Variants in VPS8 observed in about 807,000 individuals in gnomAD.
The protein encoded by VPS8 is VPS8 subunit of CORVET complex.
A neutral mutation model predicts 216.4 loss-of-function variants in VPS8; 129 were observed. The ratio of observed to expected loss-of-function variants is 0.60; its 90% CI spans 0.52 to 0.69. The LOEUF is 0.69. VPS8 is among the 30% of genes least tolerant of loss of function. The pLI, the probability that VPS8 is intolerant of heterozygous loss-of-function variation, is 0.00. For synonymous variants in VPS8, 571 were observed against 565.4 expected, an observed-to-expected ratio of 1.01 and a Z score of -0.14; for missense variants, 1,531 against 1,683.5, an observed-to-expected ratio of 0.91 and a Z score of 1.59.
chr3:184,884,260 C>T (rs1215354542), intron 21 of VPS8, among the ~76,000 whole-genome samples: 1 of 151,818 alleles, frequency 6.6e-6, no homozygotes, highest in African/African-American at 2.4e-5. Context: ...GTGTGGTGTT[C>T]CGCGCCCTGT....
intron 1 of VPS8, among the ~76,000 whole-genome samples, chr3:184,823,056 A>T (rs556433613): frequency 6.6e-6 from 1 of 152,236 alleles, no homozygotes; most frequent in South Asian, 2.1e-4. Context: ...TCCATGATTT[A>T]TACAAGGTAA....
chr3:184,966,395 A>C (rs931481687), intron 38 of VPS8, among the ~76,000 whole-genome samples: 7 of 152,198 alleles, frequency 4.6e-5, no homozygotes, highest in Non-Finnish European at 8.8e-5. Context: ...TATATCACCC[A>C]ATATGAATTG....
intron 14 of VPS8, among the ~76,000 whole-genome samples, chr3:184,856,254 C>G (rs1473214769): frequency 6.6e-6 from 1 of 152,134 alleles, no homozygotes; most frequent in Non-Finnish European, 1.5e-5. Context: ...GTTTGAAAAG[C>G]AAAATCAGTG....
intron 16 of VPS8, among the ~76,000 whole-genome samples, chr3:184,864,785 C>G (rs1229200349): frequency 5.3e-5 from 8 of 152,140 alleles, no homozygotes; most frequent in Admixed American, 3.3e-4. Flanking sequence ...CAGAAACCAA[C>G]AAGGTAAAAT....
intron 46 of VPS8, among the ~76,000 whole-genome samples, chr3:185,041,626 A>G (rs1711642323): frequency 6.6e-6 from 1 of 152,162 alleles, no homozygotes; most frequent in South Asian, 2.1e-4. Context: ...TCTCTTCAGT[A>G]TGTGTGACAG....
chr3:184,832,706 G>C lies in VPS8; in HGVS notation c.240G>C (p.Glu80Asp), dbSNP rs775809563. 1 of 1,601,782 alleles carries C rather than the reference G, an allele frequency of 6.2e-7. No individual in the cohort carries two copies. Among genetic ancestry groups the C allele is most frequent in the South Asian group, 1.1e-5 (1 of 89,802 alleles). ...SILNETDDED[E>D]SFILEDPTLL... Reference sequence around the variant, plus strand: ...CAATTTAGACTGATGATGAAGATGAGTCTTTTATTCTTGAGGATCCTACAT... The same window carrying C: ...CAATTTAGACTGATGATGAAGATGACTCTTTTATTCTTGAGGATCCTACAT... The change falls in exon 4 of 48, where the codon GAG (glutamate) becomes GAC (aspartate). Residue 80 changes from glutamate (E) to aspartate (D), a missense_variant. Transcript: ENST00000625842.
At chr3:185,035,055 T>C (rs146583305) in intron 46 of VPS8, among the ~76,000 whole-genome samples, 2 of 152,220 alleles carry the variant, frequency 1.3e-5, no homozygotes, top group African/African-American at 4.8e-5. Flanking sequence ...CCAGAATAGA[T>C]TGTAACTCTG....
intron 12 of VPS8, 26 bp from the exon 13 acceptor site, chr3:184,854,088 A>G: frequency 6.2e-7 from 1 of 1,613,532 alleles, no homozygotes; most frequent in Non-Finnish European, 8.5e-7. Context: ...CAAGGTCAAT[A>G]TTGAAAACAT....
At chr3:185,032,284 AAG>A (rs1472565970) in intron 46 of VPS8, among the ~76,000 whole-genome samples, 4 of 152,352 alleles carry the variant, frequency 2.6e-5, no homozygotes, top group Admixed American at 2.6e-4. Flanking sequence ...AATTTATGTA[AAG>A]AGAGACTTGA....
intron 31 of VPS8, among the ~76,000 whole-genome samples, chr3:184,928,079 G>A (rs1188491890): frequency 6.6e-6 from 1 of 152,192 alleles, no homozygotes; most frequent in Non-Finnish European, 1.5e-5. Context: ...GATACCAGCT[G>A]TGGATAGACA....
chr3:184,870,473 A>G (rs1728133047), intron 20 of VPS8, among the ~76,000 whole-genome samples: 1 of 152,228 alleles, frequency 6.6e-6, no homozygotes, highest in African/African-American at 2.4e-5. Flanking sequence ...CCTGAGCAGT[A>G]TAGATGCCAC....
intron 3 of VPS8, among the ~76,000 whole-genome samples, chr3:184,828,931 A>G (rs546319272): frequency 3.9e-5 from 6 of 152,312 alleles, no homozygotes; most frequent in African/African-American, 1.4e-4. Context: ...TCTAACTTCT[A>G]CCAGCATTGA....
chr3:184,875,573 A>G (rs78514779), intron 21 of VPS8, among the ~76,000 whole-genome samples: 10,190 of 152,070 alleles, frequency 0.067, 417 homozygotes, highest in Non-Finnish European at 0.089. Context: ...TATATGTTCA[A>G]GTGTTTCCCA....
chr3:184,956,353 C>G lies in VPS8; in HGVS notation c.3036-1021C>G, dbSNP rs1315703188. On this transcript the variant is annotated intron_variant, in intron 36 of 47. Coordinates refer to ENST00000625842, the MANE Select transcript of VPS8 (RefSeq NM_001009921.3). ...CCAGAGTCCCTTGTGAGCAATCTTA[C>G]TTCACTACAGTGGACCAAACAAATA... 2.0e-5 allele frequency among the ~76,000 whole-genome samples: 3 copies of G among 152,368 alleles called. No individual in the cohort carries two copies. In the South Asian group the frequency reaches 6.2e-4, roughly 32 times the overall value.
intron 35 of VPS8, among the ~76,000 whole-genome samples, chr3:184,937,330 C>T (rs1250193322): frequency 6.6e-6 from 1 of 152,018 alleles, no homozygotes; most frequent in East Asian, 1.9e-4. Flanking sequence ...CCTCAAGTGA[C>T]ATTAATAGTG....
chr3:184,970,684 C>T (rs547216143), intron 39 of VPS8, among the ~76,000 whole-genome samples: 1 of 152,282 alleles, frequency 6.6e-6, no homozygotes, highest in Admixed American at 6.5e-5. Context: ...CAGATCCTTA[C>T]TTACATTCTA....
intron 40 of VPS8, among the ~76,000 whole-genome samples, chr3:184,978,701 C>T (rs544142139): frequency 6.6e-6 from 1 of 152,266 alleles, no homozygotes; most frequent in East Asian, 1.9e-4. Flanking sequence ...CCTGGCCTCT[C>T]TTTTTCTTAC....
intron 19 of VPS8, among the ~76,000 whole-genome samples, chr3:184,869,258 A>G (rs927623190): frequency 2.0e-5 from 3 of 152,238 alleles, no homozygotes; most frequent in Admixed American, 6.5e-5. Context: ...ATTATTTTGT[A>G]AGGAAATTAC....
intron 5 of VPS8, chr3:184,836,447 T>C (rs924614899): frequency 2.7e-6 from 1 of 373,104 alleles, no homozygotes; most frequent in South Asian, 2.0e-5. Flanking sequence ...ACTCAGACTC[T>C]GAACAATGAT....
Sources: allele counts gnomAD v4.1 joint callset (sites outside exome capture counted in the v4.1 genomes callset), GRCh38; gene constraint gnomAD v4.1.1; transcripts MANE v1.5; gene names NCBI Gene and HGNC (gene_info 2026-07-23, HGNC 2026-07-21).